Variants in EFL1 observed in about 807,000 individuals in gnomAD.
EFL1 encodes elongation factor-like GTPase 1.
A neutral mutation model predicts 126.7 loss-of-function variants in EFL1; 76 were observed. The observed-to-expected ratio is 0.60, with a 90% confidence interval of 0.50 to 0.73. The LOEUF (loss-of-function observed/expected upper bound fraction) is 0.73, where lower values mean the gene tolerates loss of function less well. EFL1 is among the 30% of genes least tolerant of loss of function. The pLI is 0.00. For missense variants in EFL1, 1,128 were observed against 1,343.2 expected (o/e 0.84, Z 2.50); for synonymous variants, 410 against 448.4 (o/e 0.91, Z 1.08).
At chr15:82,212,632 T>G (rs2074602250) in intron 15 of EFL1, among the ~76,000 whole-genome samples, 1 of 152,190 alleles carries the variant, frequency 6.6e-6, no homozygotes, top group South Asian at 2.1e-4. Context: ...CTCTTTAATG[T>G]AAAGAAAACA....
At chr15:82,195,832 A>G (rs531324124) in intron 15 of EFL1, among the ~76,000 whole-genome samples, 3 of 152,298 alleles carry the variant, frequency 2.0e-5, no homozygotes, top group East Asian at 1.9e-4. Flanking sequence ...AGATATGCCT[A>G]AAGAATGAGG....
chr15:82,220,027 T>C (rs774860991), intron 13 of EFL1, 51 bp downstream of exon 13: 2 of 1,544,650 alleles, frequency 1.3e-6, no homozygotes, highest in Admixed American at 2.1e-5. Flanking sequence ...TGTCCCAAGT[T>C]AAGCAAAAAG....
chr15:82,172,072 C>CA (rs2074142033), intron 15 of EFL1, among the ~76,000 whole-genome samples: 2 of 142,132 alleles, frequency 1.4e-5, no homozygotes, highest in South Asian at 2.2e-4. Context: ...AAGCCTCAGT[C>CA]AAAAAACATT....
At chr15:82,157,883 A>G in intron 16 of EFL1, 23 bp from the exon 17 acceptor site, 1 of 1,603,592 alleles carries the variant, frequency 6.2e-7, no homozygotes, top group Non-Finnish European at 8.5e-7. Flanking sequence ...AACGAAATAG[A>G]TTAAATATGA....
At chr15:82,255,746 T>C in intron 3 of EFL1, among the ~76,000 whole-genome samples, 1 of 152,214 alleles carries the variant, frequency 6.6e-6, no homozygotes, top group Non-Finnish European at 1.5e-5. Context: ...GTTCATCTTT[T>C]TCCCACAGAT....
rs759321677 is a variant in EFL1 at position 82,151,464 on chromosome 15, C to A, written c.2989+1G>T. 1.9e-6 allele frequency: 3 copies of A among 1,602,366 alleles called. No homozygotes were observed. Among genetic ancestry groups the A allele is most frequent in the Non-Finnish European group, 2.6e-6 (3 of 1,175,184 alleles). ...CACTATCTTTACCTTTTCTTCCTTA[C>A]CGAGAACATCACCAGTGGCCATGAT... is the stretch of plus-strand genomic sequence containing the variant. On this transcript the variant is annotated splice_donor_variant, in intron 18 of 19. Coordinates refer to ENST00000268206, the MANE Select transcript of EFL1 (RefSeq NM_024580.6). LOFTEE classifies it high-confidence loss of function.
intron 4 of EFL1, among the ~76,000 whole-genome samples, chr15:82,245,828 G>A (rs531585763): frequency 3.3e-5 from 5 of 151,874 alleles, no homozygotes; most frequent in Admixed American, 2.0e-4. Context: ...TTAGCTACTC[G>A]GGAGGCTGAG....
Position 82,130,648 on chromosome 15 carries a change from T to C in EFL1, c.3175-87A>G, listed in dbSNP as rs545553495. 48 of 1,406,542 alleles carry C rather than the reference T, an allele frequency of 3.4e-5. No homozygotes were observed. In the African/African-American group the frequency reaches 5.3e-4, roughly 16 times the overall value. The allele number at this position is 1,406,542 out of a possible 1,614,324, so 87.1% of individuals were successfully genotyped here. A position where few individuals can be genotyped will look rare whatever the true frequency, so the allele number is the denominator to read the frequency against. ...CTGAGCTCCCCAATTTATATAGTCT[T>C]AGCTAATGAAAAAAAGTTAGGCAAT... On this transcript the variant is annotated intron_variant, in intron 19 of 19. Coordinates refer to ENST00000268206, the MANE Select transcript of EFL1 (RefSeq NM_024580.6).
rs1287332998 is a variant in EFL1 at position 82,240,539 on chromosome 15, C to T, written c.395G>A (p.Arg132Gln). The change falls in exon 6 of 20, where the codon CGA becomes CAA. Residue 132 changes from arginine (R) to glutamine (Q), a missense_variant. Coordinates refer to ENST00000268206, the MANE Select transcript of EFL1 (RefSeq NM_024580.6). ...GVCPQTQAVL[R>Q]QAWLENIRPV... is the part of the protein sequence containing the mutation. ...ACGGATGTTTTCAAGCCAAGCTTGT[C>T]GCAGAACTGCCTGTGTCTGATAAAA... is the stretch of plus-strand genomic sequence containing the variant. The T allele has an allele frequency of 3.7e-6, 6 of 1,613,742 alleles. No individual in the cohort carries two copies. The highest frequency in any genetic ancestry group is 2.7e-5 in the African/African-American group (2 of 75,010).
intron 15 of EFL1, among the ~76,000 whole-genome samples, chr15:82,180,188 C>T (rs1272795310): frequency 6.6e-6 from 1 of 152,096 alleles, no homozygotes; most frequent in African/African-American, 2.4e-5. Context: ...TCTTCCCCGT[C>T]CCCACTCCCC....
intron 6 of EFL1, 90 bp from the exon 7 acceptor site, chr15:82,238,611 G>C: frequency 8.6e-7 from 1 of 1,156,554 alleles, no homozygotes; most frequent in Admixed American, 2.2e-5. Context: ...GTTAGGGCTA[G>C]AATCATTAGT....
chr15:82,224,120 G>A (rs1397658116), intron 12 of EFL1, among the ~76,000 whole-genome samples: 2 of 152,166 alleles, frequency 1.3e-5, no homozygotes, highest in Non-Finnish European at 2.9e-5. Context: ...TAAAAATCTA[G>A]TCGAAACATG....
chr15:82,165,555 G>A (rs8032033), intron 15 of EFL1, among the ~76,000 whole-genome samples: 3 of 151,918 alleles, frequency 2.0e-5, no homozygotes, highest in South Asian at 4.1e-4. Flanking sequence ...GAATATCTAC[G>A]GTCTGACAGC....
intron 15 of EFL1, among the ~76,000 whole-genome samples, chr15:82,189,375 C>T (rs1057152657): frequency 6.6e-6 from 1 of 152,096 alleles, no homozygotes; most frequent in Non-Finnish European, 1.5e-5. Context: ...GATAAAAATC[C>T]CTACCCATAT....
At chr15:82,157,071 C>T (rs2073976032) in intron 17 of EFL1, among the ~76,000 whole-genome samples, 2 of 152,048 alleles carry the variant, frequency 1.3e-5, no homozygotes, top group South Asian at 4.1e-4. Flanking sequence ...TTATCTTAAC[C>T]AAATAATCAG....
intron 19 of EFL1, among the ~76,000 whole-genome samples, chr15:82,132,634 T>TA (rs1316013781): frequency 3.2e-5 from 4 of 125,416 alleles, no homozygotes; most frequent in Non-Finnish European, 6.3e-5. Flanking sequence ...GGAGCCCAGT[T>TA]AGAGGTTGGG....
At chr15:82,174,884 T>A (rs2074178153) in intron 15 of EFL1, among the ~76,000 whole-genome samples, 1 of 152,220 alleles carries the variant, frequency 6.6e-6, no homozygotes. Context: ...AATTCAGGAA[T>A]TATGGAATTT....
chr15:82,249,772 T>A (rs536043052), intron 4 of EFL1, among the ~76,000 whole-genome samples: 1 of 152,044 alleles, frequency 6.6e-6, no homozygotes, highest in Non-Finnish European at 1.5e-5. Flanking sequence ...GTAAAGATAA[T>A]AGAGGTTCCA....
intron 18 of EFL1, among the ~76,000 whole-genome samples, chr15:82,149,875 ATAG>A (rs2073889407): frequency 6.6e-6 from 1 of 152,202 alleles, no homozygotes; most frequent in African/African-American, 2.4e-5. Flanking sequence ...AAGTATTCAA[ATAG>A]TGGTGGTATA....
Sources: gnomAD v4.1 joint callset for allele counts (sites outside exome capture counted in the v4.1 genomes callset) on GRCh38, gnomAD v4.1.1 for gene constraint, MANE v1.5 for transcripts, NCBI Gene and HGNC (gene_info 2026-07-23, HGNC 2026-07-21) for gene names.